FECH: variants seen among roughly 807,000 people sequenced by gnomAD.
FECH encodes the protein ferrochelatase, mitochondrial.
A neutral mutation model predicts 56.9 loss-of-function variants in FECH; 40 were observed. The observed-to-expected ratio is 0.70, with a 90% confidence interval of 0.55 to 0.92. The LOEUF (loss-of-function observed/expected upper bound fraction) is 0.92. FECH is among the 40% of genes least tolerant of loss of function. The pLI, the probability that FECH is intolerant of heterozygous loss-of-function variation, is 0.00. For missense variants in FECH, 431 were observed against 529.1 expected (o/e 0.81, Z 1.82); for synonymous variants, 175 against 198.6 (o/e 0.88, Z 1.00).
intron 4 of FECH, 144 bp from the exon 5 acceptor site, chr18:57,566,725 T>C: frequency 1.0e-6 from 1 of 996,880 alleles, no homozygotes; most frequent in Non-Finnish European, 1.5e-6. Context: ...GTTTAGCATA[T>C]TCCTTGGATC....
intron 4 of FECH, among the ~76,000 whole-genome samples, chr18:57,569,143 A>G (rs113924265): frequency 2.0e-5 from 3 of 152,262 alleles, no homozygotes; most frequent in Non-Finnish European, 4.4e-5. Flanking sequence ...AAGCAGTTAC[A>G]AGCTAAACAG....
At chr18:57,582,124 C>T (rs1428567474) in intron 1 of FECH, among the ~76,000 whole-genome samples, 1 of 152,116 alleles carries the variant, frequency 6.6e-6, no homozygotes, top group Non-Finnish European at 1.5e-5. Context: ...TGCAATGGCC[C>T]TAATTCCTTA....
rs1422416119 is a variant in FECH, at chr18:57,548,191, C to A, written c.*2521G>T. The A allele has an allele frequency of 6.7e-6, 1 of 149,814 alleles. No homozygotes were observed. Among genetic ancestry groups the A allele is most frequent in the East Asian group, 2.0e-4 (1 of 5,054 alleles). The allele number at this position is 149,814 out of a possible 1,614,324, so 9.3% of individuals were successfully genotyped here. On this transcript the variant is annotated 3_prime_UTR_variant, in exon 11 of 11. Coordinates refer to ENST00000262093, the MANE Select transcript of FECH (RefSeq NM_000140.5). ...ACTTGAGCCCAGGAGGTGGAAGTAG[C>A]AGTGAGCCGAGATCGCACCACTGCC...
chr18:57,571,353 GAACTA>G, intron 4 of FECH, 34 bp downstream of exon 4: 1 of 1,602,708 alleles, frequency 6.2e-7, no homozygotes, highest in South Asian at 1.1e-5. Flanking sequence ...TACTTCGAAA[GAACTA>G]ATCTAGTTAC....
chr18:57,571,391 C>T lies in FECH; in HGVS notation c.463+1G>A. 6.2e-7 allele frequency: 1 copy of T among 1,613,898 alleles called. No individual in the cohort carries two copies. Among genetic ancestry groups the T allele is most frequent in the Non-Finnish European group, 8.5e-7 (1 of 1,179,858 alleles). On this transcript the variant is annotated splice_donor_variant, in intron 4 of 10. Transcript: ENST00000262093. LOFTEE classifies it high-confidence loss of function. ...TACATGTTAATGAAGAAACACCATACCTGTGTTGGGGGACAATTCATCCAG... is the reference window on the plus strand; with the variant it reads ...TACATGTTAATGAAGAAACACCATATCTGTGTTGGGGGACAATTCATCCAG...
chr18:57,586,530 G>A (rs1369433266), intron 1 of FECH, 24 bp downstream of exon 1: 4 of 1,519,144 alleles, frequency 2.6e-6, no homozygotes, highest in East Asian at 2.6e-5. Context: ...TGGCCCTGGC[G>A]GCCGCCGCGA....
intron 5 of FECH, among the ~76,000 whole-genome samples, chr18:57,565,558 A>G (rs1790607): frequency 0.63 from 95,636 of 151,380 alleles, 30,528 homozygotes; most frequent in African/African-American, 0.7. Flanking sequence ...ATGACAGAGC[A>G]AGATACCATC....
At chr18:57,555,240 G>A (rs2050853681) in intron 7 of FECH, among the ~76,000 whole-genome samples, 1 of 152,202 alleles carries the variant, frequency 6.6e-6, no homozygotes, top group Admixed American at 6.5e-5. Context: ...AAAGAGGATG[G>A]TTCTCTCTCC....
Position 57,554,864 on chromosome 18 carries a change from C to A in FECH, c.893G>T (p.Arg298Leu). Residue 298 changes from arginine (R) to leucine (L), a missense_variant, in exon 8 of 11, where the codon CGA (arginine) becomes CTA (leucine). Coordinates refer to ENST00000262093, the MANE Select transcript of FECH (RefSeq NM_000140.5). ...ACTTACCTTGGATTGCCACACCAGT[C>A]GGTAGGGGTTGCAGTACTCCAGCCT... ...MERLEYCNPY[R>L]LVWQSKVGPM... 2 of 1,614,086 alleles carry A rather than the reference C, an allele frequency of 1.2e-6. No homozygotes were observed. The highest frequency in any genetic ancestry group is 1.1e-5 in the South Asian group (1 of 91,052).
At position 57,586,215 on chromosome 18, in the gene FECH, A is replaced by G. The variant is rs184561166; in HGVS notation, c.67+339T>C. 7.0e-4 allele frequency among the ~76,000 whole-genome samples: 107 copies of G among 152,258 alleles called. 1 individual carries two copies. The South Asian group carries it at 9.3e-3, about 13-fold the overall frequency. ...CTATCCTCTATGGCAGGCCCATAAC[A>G]TACCTTCCCTCGCGTAATCTTCTCA... On this transcript the variant is annotated intron_variant, in intron 1 of 10. Coordinates refer to ENST00000262093, the MANE Select transcript of FECH (RefSeq NM_000140.5).
chr18:57,562,821 G>T, intron 6 of FECH, 53 bp downstream of exon 6: 1 of 1,403,416 alleles, frequency 7.1e-7, no homozygotes, highest in Non-Finnish European at 1.0e-6. Flanking sequence ...GGGATGAGAA[G>T]CTGATTCACA....
intron 4 of FECH, among the ~76,000 whole-genome samples, chr18:57,570,063 G>T (rs1001919580): frequency 7.6e-6 from 1 of 131,224 alleles, no homozygotes; most frequent in African/African-American, 2.7e-5. Context: ...GTGTGTGTGT[G>T]TGTGTGTGTG....
chr18:57,555,098 T>C (rs1330434149), intron 7 of FECH, 146 bp from the exon 8 acceptor site: 1 of 704,160 alleles, frequency 1.4e-6, no homozygotes, highest in South Asian at 1.5e-5. Context: ...CTGAGTTCAA[T>C]CACCAAACTT....
At chr18:57,562,784 C>T (rs2050961594) in intron 6 of FECH, 90 bp downstream of exon 6, 1 of 929,828 alleles carries the variant, frequency 1.1e-6, no homozygotes, top group Admixed American at 1.7e-5. Context: ...AACAGTAAGG[C>T]TCAGAAGGAC....
intron 7 of FECH, among the ~76,000 whole-genome samples, chr18:57,557,503 A>G (rs1373532436): frequency 2.0e-5 from 3 of 152,150 alleles, no homozygotes; most frequent in Admixed American, 2.0e-4. Flanking sequence ...CGGAATCCCC[A>G]CATACAAAAA....
intron 2 of FECH, among the ~76,000 whole-genome samples, chr18:57,576,467 T>C (rs907803232): frequency 6.6e-6 from 1 of 152,216 alleles, no homozygotes; most frequent in Non-Finnish European, 1.5e-5. Context: ...TCTTTCACCT[T>C]CAAAATCTGT....
intron 6 of FECH, among the ~76,000 whole-genome samples, chr18:57,561,407 G>A (rs2050941828): frequency 6.6e-6 from 1 of 152,016 alleles, no homozygotes; most frequent in African/African-American, 2.4e-5. Flanking sequence ...AAATCATATG[G>A]CTTGCAACAG....
intron 2 of FECH, among the ~76,000 whole-genome samples, chr18:57,579,077 G>A (rs1166949412): frequency 2.0e-5 from 3 of 151,482 alleles, no homozygotes; most frequent in Non-Finnish European, 2.9e-5. Flanking sequence ...GTGAATTCCC[G>A]TCTCTACTAA....
intron 6 of FECH, among the ~76,000 whole-genome samples, chr18:57,562,116 T>A (rs1344969105): frequency 6.6e-6 from 1 of 151,810 alleles, no homozygotes; most frequent in Non-Finnish European, 1.5e-5. Flanking sequence ...GTTCAAGGAG[T>A]GAAAAATAAA....
Sources: allele counts gnomAD v4.1 joint callset (sites outside exome capture counted in the v4.1 genomes callset), GRCh38; gene constraint gnomAD v4.1.1; transcripts MANE v1.5; gene names NCBI Gene and HGNC (gene_info 2026-07-23, HGNC 2026-07-21).